The following TLK2 variants were observed in gnomAD, a reference collection of about 807,000 sequenced individuals.
TLK2 encodes serine/threonine-protein kinase tousled-like 2.
TLK2 carries 6 observed loss-of-function variants against 117.3 expected under a neutral mutation model. The observed-to-expected ratio is 0.05, with a 90% CI of 0.03 to 0.10. The LOEUF is 0.10. Ranked by LOEUF, TLK2 falls within the 10% of genes least tolerant of loss-of-function variation. TLK2 has a pLI of 1.00. For missense variants in TLK2, 299 were observed against 901.2 expected (o/e 0.33, Z 8.56); for synonymous variants, 257 against 316.7 (o/e 0.81, Z 2.00).
At chr17:62,508,345 A>G in intron 2 of TLK2, 2 of 714,584 alleles carry the variant, frequency 2.8e-6, no homozygotes, top group South Asian at 6.4e-5. Context: ...AACTTAAATA[A>G]TGTGGACAAA....
At chr17:62,485,183 C>CT (rs2072194272) in intron 2 of TLK2, among the ~76,000 whole-genome samples, 1 of 152,184 alleles carries the variant, frequency 6.6e-6, no homozygotes, top group African/African-American at 2.4e-5. Flanking sequence ...GGTTCAGCCT[C>CT]TTGGGCTGTC....
intron 14 of TLK2, among the ~76,000 whole-genome samples, chr17:62,579,878 G>A (rs570276498): frequency 6.6e-6 from 1 of 152,270 alleles, no homozygotes; most frequent in African/African-American, 2.4e-5. Context: ...TAGCTACACT[G>A]AGACCAGCAC....
At chr17:62,588,972 C>T (rs76402483) in intron 16 of TLK2, among the ~76,000 whole-genome samples, 3,826 of 152,224 alleles carry the variant, frequency 0.025, 72 homozygotes, top group Middle Eastern at 0.068. Context: ...CTGTTAATTG[C>T]GTTTCCATTC....
chr17:62,600,854 G>GTTTACTTTGGTCTTATAAGTGAC, intron 18 of TLK2, 34 bp downstream of exon 18: 1 of 1,537,864 alleles, frequency 6.5e-7, no homozygotes, highest in East Asian at 2.3e-5. Context: ...GTATTAGTGG[G>GTTTACTTTGGTCTTATAAGTGAC]TTTTCTTTGG....
chr17:62,592,251 G>T (rs998731066), intron 16 of TLK2, among the ~76,000 whole-genome samples: 12 of 152,078 alleles, frequency 7.9e-5, no homozygotes, highest in Admixed American at 1.3e-4. Flanking sequence ...GAGCCACTGC[G>T]CCCGGCCAGA....
Position 62,549,398 on chromosome 17 carries a change from CAAAAAAAAAAAAAAAAAAAAAAA to C in TLK2, c.532-2887_532-2865del, listed in dbSNP as rs777779302. Among the ~76,000 whole-genome samples, 32 of 37,100 alleles carry C rather than the reference CAAAAAAAAAAAAAAAAAAAAAAA, an allele frequency of 8.6e-4. 2 individuals are homozygous for C. Among genetic ancestry groups the C allele is most frequent in the Admixed American group, 4.7e-3 (15 of 3,196 alleles). 24.3% of individuals were successfully genotyped at this position (37,100 alleles called of 152,430 possible). Reference sequence around the variant, plus strand: ...TAAGTGACAGAGCAAGACTCCATCTCAAAAAAAAAAAAAAAAAAAAAAAAAAAAAAAAAAAAAAATAGAAACAC... The same window carrying C: ...TAAGTGACAGAGCAAGACTCCATCTCAAAAAAAAAAAAAAAATAGAAACAC... On this transcript the variant is annotated intron_variant, in intron 7 of 21. Transcript: ENST00000346027.
chr17:62,596,892 C>T (rs1429507694), intron 17 of TLK2, among the ~76,000 whole-genome samples: 2 of 152,128 alleles, frequency 1.3e-5, no homozygotes, highest in African/African-American at 4.8e-5. Context: ...TAACAGCCAG[C>T]TTGGTATGAA....
At chr17:62,482,109 C>T (rs1238390282) in intron 2 of TLK2, among the ~76,000 whole-genome samples, 11 of 151,794 alleles carry the variant, frequency 7.2e-5, no homozygotes, top group Admixed American at 1.3e-4. Context: ...CCACCACGCC[C>T]AGCTGATTTT....
At chr17:62,511,559 A>G (rs2075146473) in intron 2 of TLK2, among the ~76,000 whole-genome samples, 4 of 152,116 alleles carry the variant, frequency 2.6e-5, no homozygotes, top group Admixed American at 2.0e-4. Context: ...TTGTAGAGAC[A>G]GGGTCTCACT....
intron 7 of TLK2, chr17:62,551,779 C>T (rs2078484393): frequency 6.2e-6 from 1 of 160,660 alleles, no homozygotes; most frequent in African/African-American, 2.4e-5. Flanking sequence ...ATTGTGGAAC[C>T]TAAACCGTAT....
At chr17:62,497,635 C>T (rs1359013329) in intron 2 of TLK2, among the ~76,000 whole-genome samples, 4 of 152,126 alleles carry the variant, frequency 2.6e-5, no homozygotes, top group Non-Finnish European at 5.9e-5. Flanking sequence ...AGTTGAAATC[C>T]TTTCATCTAT....
chr17:62,594,459 T>A (rs1266396882), intron 16 of TLK2, among the ~76,000 whole-genome samples: 1 of 152,066 alleles, frequency 6.6e-6, no homozygotes, highest in Non-Finnish European at 1.5e-5. Flanking sequence ...CAGTGATAGG[T>A]TCTTGGAAAC....
chr17:62,572,719 A>G (rs2080410246), intron 11 of TLK2: 1 of 152,696 alleles, frequency 6.5e-6, no homozygotes, highest in South Asian at 2.1e-4. Context: ...AGACTAGAAT[A>G]AAGGATAGGT....
intron 2 of TLK2, among the ~76,000 whole-genome samples, chr17:62,493,101 A>T (rs2073278259): frequency 1.3e-5 from 2 of 152,094 alleles, no homozygotes; most frequent in African/African-American, 4.8e-5. Flanking sequence ...CGTCTCAAAA[A>T]ACAAAACAAT....
intron 11 of TLK2, among the ~76,000 whole-genome samples, chr17:62,566,790 C>T (rs2079830434): frequency 6.6e-6 from 1 of 152,160 alleles, no homozygotes; most frequent in South Asian, 2.1e-4. Flanking sequence ...ACATAGTGGC[C>T]AAAGCCACCT....
chr17:62,611,315 T>G (rs1196463882), intron 21 of TLK2, among the ~76,000 whole-genome samples: 1 of 152,248 alleles, frequency 6.6e-6, no homozygotes, highest in African/African-American at 2.4e-5. Context: ...CCTGTAAGTC[T>G]TTAATTTTGA....
Position 62,605,472 on chromosome 17 carries a change from C to T in TLK2, c.1860-658C>T, listed in dbSNP as rs371482265. Among the ~76,000 whole-genome samples the T allele has an allele frequency of 4.4e-4, 67 of 152,092 alleles. No homozygotes were observed. The East Asian group carries it at 6.2e-3, about 14-fold the overall frequency. On this transcript the variant is annotated intron_variant, in intron 19 of 21. Coordinates refer to ENST00000346027, the MANE Select transcript of TLK2 (RefSeq NM_006852.6). ...ACTGCAGTCAACCTCCCCCAGGCTC[C>T]GGTGATCCTCCCGCCTCAGCTTCCC...
At chr17:62,471,656 G>GTAGA (rs1301159225) in intron 1 of TLK2, among the ~76,000 whole-genome samples, 5 of 93,544 alleles carry the variant, frequency 5.3e-5, no homozygotes, top group Non-Finnish European at 7.5e-5. Context: ...ATCAGAAAGA[G>GTAGA]TTCTAAGCCA....
At chr17:62,480,457 G>A (rs2071501685) in intron 1 of TLK2, among the ~76,000 whole-genome samples, 1 of 152,218 alleles carries the variant, frequency 6.6e-6, no homozygotes, top group African/African-American at 2.4e-5. Context: ...GAAAACTACT[G>A]CAGGGAGTGG....
Sources: gnomAD v4.1 joint callset for allele counts (sites outside exome capture counted in the v4.1 genomes callset) on GRCh38, gnomAD v4.1.1 for gene constraint, MANE v1.5 for transcripts, NCBI Gene and HGNC (gene_info 2026-07-23, HGNC 2026-07-21) for gene names.